IMMP2L: variants seen among roughly 807,000 people sequenced by gnomAD.
IMMP2L encodes the protein inner mitochondrial membrane peptidase subunit 2.
In IMMP2L, 18 loss-of-function variants were observed where a neutral mutation model predicts 19.3. The ratio of observed to expected loss-of-function variants is 0.93; its 90% CI spans 0.64 to 1.38. The LOEUF is 1.38. Among genes scored for constraint, IMMP2L ranks in the 40% most tolerant of loss-of-function variants. The probability of loss-of-function intolerance (pLI) is 0.00; values close to 1 mark genes in which losing one functional copy is unlikely to be tolerated. For synonymous variants in IMMP2L, 76 were observed against 73.0 expected (o/e 1.04, Z -0.21); for missense variants, 233 against 218.2 (o/e 1.07, Z -0.43).
intron 3 of IMMP2L, among the ~76,000 whole-genome samples, chr7:111,045,187 G>C (rs534798475): frequency 1.0e-3 from 158 of 152,292 alleles, no homozygotes; most frequent in Non-Finnish European, 1.4e-3. Flanking sequence ...TATTTGGCTT[G>C]CTAGTTAGCC....
rs1359105871 is a variant in IMMP2L, at chr7:110,731,955, C to A, written c.409-68234G>T. On this transcript the variant is annotated intron_variant, in intron 5 of 5. Transcript: ENST00000405709. ...GTTAGAGACACAAACAGCTCACCAGCAATTAGAAAACAGCATGTCTGCTAC... is the reference window on the plus strand; with the variant it reads ...GTTAGAGACACAAACAGCTCACCAGAAATTAGAAAACAGCATGTCTGCTAC... Among the ~76,000 whole-genome samples the A allele has an allele frequency of 3.9e-5, 6 of 152,116 alleles. No individual in the cohort carries two copies. In the South Asian group the frequency reaches 1.2e-3, roughly 32 times the overall value.
intron 5 of IMMP2L, among the ~76,000 whole-genome samples, chr7:110,667,373 C>T (rs1791538354): frequency 6.6e-6 from 1 of 152,020 alleles, no homozygotes; most frequent in African/African-American, 2.4e-5. Flanking sequence ...AGAATGATGC[C>T]GCCCCACCAC....
chr7:110,752,601 G>A (rs10263465), intron 5 of IMMP2L, among the ~76,000 whole-genome samples: 1,910 of 151,950 alleles, frequency 0.013, 36 homozygotes, highest in African/African-American at 0.043. Context: ...CCATTACTAC[G>A]GCAGCAGGGT....
intron 3 of IMMP2L, among the ~76,000 whole-genome samples, chr7:111,302,400 GCTTGACGTCC>G (rs1368163861): frequency 2.6e-5 from 4 of 152,090 alleles, no homozygotes; most frequent in African/African-American, 9.7e-5. Context: ...ATAGAATAGT[GCTTGACGTCC>G]CTATTTATGA....
chr7:111,183,207 T>A (rs1055688105), intron 3 of IMMP2L, among the ~76,000 whole-genome samples: 1 of 152,114 alleles, frequency 6.6e-6, no homozygotes, highest in Non-Finnish European at 1.5e-5. Flanking sequence ...ATAAACATTG[T>A]GTTTTTATGA....
intron 5 of IMMP2L, among the ~76,000 whole-genome samples, chr7:110,850,921 C>G (rs1453090737): frequency 6.6e-6 from 1 of 151,002 alleles, no homozygotes; most frequent in East Asian, 1.9e-4. Flanking sequence ...AATTAAAAAG[C>G]CAAAAAAGAC....
chr7:110,891,317 G>GA (rs1156441904), intron 4 of IMMP2L, among the ~76,000 whole-genome samples: 10 of 151,692 alleles, frequency 6.6e-5, no homozygotes, highest in East Asian at 3.9e-4. Flanking sequence ...CTCTGAAAGA[G>GA]AAAAAAACTC....
intron 4 of IMMP2L, among the ~76,000 whole-genome samples, chr7:110,954,863 G>T (rs1275525006): frequency 6.6e-6 from 1 of 152,026 alleles, no homozygotes; most frequent in Non-Finnish European, 1.5e-5. Context: ...GACAGGGGTG[G>T]GGAGAGTATC....
chr7:111,444,195 G>C (rs1838053656), intron 3 of IMMP2L, among the ~76,000 whole-genome samples: 1 of 151,896 alleles, frequency 6.6e-6, no homozygotes, highest in Non-Finnish European at 1.5e-5. Flanking sequence ...TTTTCTGAGG[G>C]TTTAAAATAT....
chr7:111,049,550 T>A (rs1220908644), intron 3 of IMMP2L, among the ~76,000 whole-genome samples: 3 of 152,202 alleles, frequency 2.0e-5, no homozygotes, highest in Non-Finnish European at 4.4e-5. Flanking sequence ...GAAGTTGTCA[T>A]TACTTCAGAA....
chr7:111,337,194 G>T lies in IMMP2L; in HGVS notation c.239+150044C>A, dbSNP rs1391302058. ...GCTGTCAGCTAAATGAAATGTCTGG[G>T]TTTTCTTTTTTTAAAAAAAGCAGAG... On this transcript the variant is annotated intron_variant, in intron 3 of 5. Transcript: ENST00000405709. 6.6e-5 allele frequency among the ~76,000 whole-genome samples: 10 copies of T among 151,614 alleles called. No individual in the cohort carries two copies. The East Asian group carries it at 1.9e-3, about 29-fold the overall frequency.
chr7:111,278,525 C>T (rs1819352045), intron 3 of IMMP2L, among the ~76,000 whole-genome samples: 1 of 152,146 alleles, frequency 6.6e-6, no homozygotes, highest in Non-Finnish European at 1.5e-5. Flanking sequence ...GTCAATGCTT[C>T]ACTAAAACAT....
At chr7:111,265,963 T>C (rs1817787766) in intron 3 of IMMP2L, among the ~76,000 whole-genome samples, 1 of 152,190 alleles carries the variant, frequency 6.6e-6, no homozygotes, top group Admixed American at 6.5e-5. Flanking sequence ...CTAACCAATC[T>C]ATCCTAAAAT....
intron 3 of IMMP2L, among the ~76,000 whole-genome samples, chr7:111,425,944 A>T (rs1363620144): frequency 6.6e-6 from 1 of 151,198 alleles, no homozygotes; most frequent in East Asian, 1.9e-4. Flanking sequence ...GACCTCTAAG[A>T]AGCAGATGTC....
intron 3 of IMMP2L, among the ~76,000 whole-genome samples, chr7:111,093,255 G>A (rs1258817884): frequency 3.3e-5 from 5 of 152,174 alleles, no homozygotes; most frequent in East Asian, 1.9e-4. Context: ...AGCTTTGCTC[G>A]CTCTGCCTCA....
At chr7:111,148,609 G>A (rs539841184) in intron 3 of IMMP2L, among the ~76,000 whole-genome samples, 26 of 151,970 alleles carry the variant, frequency 1.7e-4, no homozygotes, top group African/African-American at 6.0e-4. Context: ...GACATATTAA[G>A]GTGAGATTAT....
intron 5 of IMMP2L, among the ~76,000 whole-genome samples, chr7:110,805,371 A>C (rs1173738400): frequency 6.6e-6 from 1 of 152,068 alleles, no homozygotes; most frequent in East Asian, 1.9e-4. Context: ...CCTAGAAAAA[A>C]TTCCTGGAAT....
At chr7:111,490,698 C>T (rs1843022568) in intron 2 of IMMP2L, among the ~76,000 whole-genome samples, 2 of 151,988 alleles carry the variant, frequency 1.3e-5, no homozygotes, top group African/African-American at 4.8e-5. Context: ...CAGCAAGTTA[C>T]TTAACTTCAT....
At chr7:110,900,807 A>G (rs1284993065) in intron 4 of IMMP2L, among the ~76,000 whole-genome samples, 1 of 151,982 alleles carries the variant, frequency 6.6e-6, no homozygotes, top group Non-Finnish European at 1.5e-5. Context: ...ACGTTGCCAA[A>G]TGTCCAGAGG....
Sources: gnomAD v4.1 joint callset for allele counts (sites outside exome capture counted in the v4.1 genomes callset) on GRCh38, gnomAD v4.1.1 for gene constraint, MANE v1.5 for transcripts, NCBI Gene and HGNC (gene_info 2026-07-23, HGNC 2026-07-21) for gene names.